The following PDE4B variants were observed in gnomAD, a reference collection of about 807,000 sequenced individuals.
PDE4B encodes 3',5'-cyclic-AMP phosphodiesterase 4B.
PDE4B carries 20 observed loss-of-function variants against 82.2 expected under a neutral mutation model. The ratio of observed to expected loss-of-function variants is 0.24; its 90% CI spans 0.17 to 0.35. The LOEUF is 0.35. Ranked by LOEUF, PDE4B falls within the 10% of genes least tolerant of loss-of-function variation. PDE4B has a pLI of 1.00. For missense variants in PDE4B, 655 were observed against 907.2 expected (o/e 0.72, Z 3.57); for synonymous variants, 320 against 318.9 (o/e 1.00, Z -0.04).
intron 1 of PDE4B, among the ~76,000 whole-genome samples, chr1:65,895,966 A>AATAATG (rs1646905963): frequency 6.9e-6 from 1 of 145,286 alleles, no homozygotes; most frequent in Admixed American, 7.0e-5. Context: ...TAATAATAAT[A>AATAATG]ATACTTCAAA....
chr1:65,956,053 T>G (rs1649241420), intron 3 of PDE4B, among the ~76,000 whole-genome samples: 1 of 152,158 alleles, frequency 6.6e-6, no homozygotes, highest in South Asian at 2.1e-4. Context: ...TTTTAGAGAA[T>G]TTTGAAAAGA....
intron 3 of PDE4B, among the ~76,000 whole-genome samples, chr1:66,231,267 A>G (rs1432859050): frequency 1.3e-5 from 2 of 152,214 alleles, no homozygotes; most frequent in Non-Finnish European, 2.9e-5. Context: ...GTAATGTCAC[A>G]TTATTGAGGT....
intron 3 of PDE4B, among the ~76,000 whole-genome samples, chr1:66,064,830 T>C (rs1030081371): frequency 6.6e-6 from 1 of 151,930 alleles, no homozygotes; most frequent in Admixed American, 6.6e-5. Flanking sequence ...ATGAGCTTTA[T>C]GTCTTTGATA....
chr1:66,257,445 CATGA>C (rs769603912), intron 4 of PDE4B, 198 bp from the exon 5 acceptor site: 11 of 761,886 alleles, frequency 1.4e-5, no homozygotes, highest in Non-Finnish European at 2.7e-5. Flanking sequence ...ATTCAGGAGT[CATGA>C]ATCTAGTACT....
intron 3 of PDE4B, among the ~76,000 whole-genome samples, chr1:65,926,339 A>C (rs867064409): frequency 3.3e-5 from 5 of 152,212 alleles, no homozygotes; most frequent in Admixed American, 6.5e-5. Context: ...ACAATATTAC[A>C]GAAAACTTTC....
intron 3 of PDE4B, among the ~76,000 whole-genome samples, chr1:65,962,091 A>T (rs919976733): frequency 1.3e-5 from 2 of 152,218 alleles, no homozygotes; most frequent in Non-Finnish European, 1.5e-5. Flanking sequence ...ACATGTGCTT[A>T]GAACATTTAC....
intron 3 of PDE4B, among the ~76,000 whole-genome samples, chr1:66,123,569 A>C (rs1570289403): frequency 3.5e-5 from 4 of 114,706 alleles, no homozygotes; most frequent in Non-Finnish European, 1.8e-5. Flanking sequence ...TCCCTCTCTT[A>C]TTCTTTTATT....
At chr1:65,962,058 C>G (rs1649568929) in intron 3 of PDE4B, among the ~76,000 whole-genome samples, 1 of 152,140 alleles carries the variant, frequency 6.6e-6, no homozygotes, top group Non-Finnish European at 1.5e-5. Context: ...CACAGAGCAT[C>G]ATAGCTTAGC....
At chr1:66,224,735 T>C (rs1181812130) in intron 3 of PDE4B, among the ~76,000 whole-genome samples, 1 of 151,998 alleles carries the variant, frequency 6.6e-6, no homozygotes, top group Non-Finnish European at 1.5e-5. Context: ...ATAATAATAA[T>C]AATAGTCAAG....
chr1:66,123,079 T>C (rs1040636949), intron 3 of PDE4B, among the ~76,000 whole-genome samples: 1 of 152,176 alleles, frequency 6.6e-6, no homozygotes, highest in South Asian at 2.1e-4. Flanking sequence ...ATTGGGTGCT[T>C]CCAGTCTATC....
chr1:65,837,298 A>T (rs1273392687), intron 1 of PDE4B, among the ~76,000 whole-genome samples: 1 of 152,160 alleles, frequency 6.6e-6, no homozygotes, highest in East Asian at 1.9e-4. Flanking sequence ...AGGGATAAAG[A>T]TACTACCTAC....
At chr1:66,147,041 T>C (rs1446275766) in intron 3 of PDE4B, among the ~76,000 whole-genome samples, 2 of 152,172 alleles carry the variant, frequency 1.3e-5, no homozygotes, top group Non-Finnish European at 2.9e-5. Context: ...AATCAGCCAA[T>C]AGACTTCAAA....
chr1:66,168,432 C>T (rs1439070787), intron 3 of PDE4B, among the ~76,000 whole-genome samples: 3 of 152,026 alleles, frequency 2.0e-5, no homozygotes, highest in Admixed American at 6.6e-5. Flanking sequence ...TGAACAAGGA[C>T]TGAGTAAGTG....
At chr1:66,027,024 T>C (rs925371203) in intron 3 of PDE4B, among the ~76,000 whole-genome samples, 1 of 152,254 alleles carries the variant, frequency 6.6e-6, no homozygotes, top group Non-Finnish European at 1.5e-5. Flanking sequence ...TGAAAGTGCA[T>C]ATTCAAATTC....
At chr1:66,119,326 C>A (rs1000451138) in intron 3 of PDE4B, among the ~76,000 whole-genome samples, 3 of 152,162 alleles carry the variant, frequency 2.0e-5, no homozygotes, top group Non-Finnish European at 2.9e-5. Context: ...TGTACTGAGA[C>A]ATTCGTTACA....
intron 1 of PDE4B, among the ~76,000 whole-genome samples, chr1:65,843,256 G>A (rs190994403): frequency 2.6e-5 from 4 of 152,222 alleles, no homozygotes; most frequent in African/African-American, 9.6e-5. Context: ...CAACACACGA[G>A]AGACATACTT....
chr1:66,230,203 G>T (rs1276375422), intron 3 of PDE4B, among the ~76,000 whole-genome samples: 2 of 152,144 alleles, frequency 1.3e-5, no homozygotes, highest in African/African-American at 2.4e-5. Context: ...GGTCAAAAAT[G>T]ATATTCTAGA....
At chr1:65,888,022 T>C (rs976782729) in intron 1 of PDE4B, among the ~76,000 whole-genome samples, 2 of 152,164 alleles carry the variant, frequency 1.3e-5, no homozygotes, top group African/African-American at 4.8e-5. Flanking sequence ...AAATCTTTTC[T>C]AGACCTATGT....
intron 3 of PDE4B, among the ~76,000 whole-genome samples, chr1:66,241,542 T>TGA (rs2101658786): frequency 6.6e-6 from 1 of 152,306 alleles, no homozygotes; most frequent in East Asian, 1.9e-4. Context: ...AGTCTCACTC[T>TGA]GTTGCTCAGC....
Sources: allele counts gnomAD v4.1 joint callset (sites outside exome capture counted in the v4.1 genomes callset), GRCh38; gene constraint gnomAD v4.1.1; transcripts MANE v1.5; gene names NCBI Gene and HGNC (gene_info 2026-07-23, HGNC 2026-07-21).